Variants in AP1G1 observed in about 807,000 individuals in gnomAD.
The protein encoded by AP1G1 is adaptor related protein complex 1 subunit gamma 1, also known as AP-1 complex subunit gamma-1.
Under a neutral mutation model 108.3 loss-of-function variants are expected in AP1G1, and 7 were observed. The observed-to-expected ratio is 0.06, with a 90% CI of 0.04 to 0.12. AP1G1 has a LOEUF of 0.12. Among genes scored for constraint, AP1G1 ranks in the 10% least tolerant of loss-of-function variants. The pLI is 1.00. For missense variants in AP1G1, 756 were observed against 1,010.7 expected (o/e 0.75, Z 3.42); for synonymous variants, 379 against 353.5 (o/e 1.07, Z -0.81).
intron 19 of AP1G1, 38 bp downstream of exon 19, chr16:71,745,106 T>C (rs779167898): frequency 1.1e-5 from 17 of 1,608,574 alleles, no homozygotes; most frequent in Non-Finnish European, 1.2e-5. Context: ...GAGGCCTCTA[T>C]CTTTTCCCAG....
chr16:71,793,209 A>C (rs2032465989), intron 1 of AP1G1, among the ~76,000 whole-genome samples: 1 of 152,190 alleles, frequency 6.6e-6, no homozygotes, highest in South Asian at 2.1e-4. Context: ...TAACAATAAT[A>C]AACTCCAACC....
intron 2 of AP1G1, among the ~76,000 whole-genome samples, chr16:71,786,701 C>T (rs1033755298): frequency 3.3e-5 from 5 of 152,066 alleles, no homozygotes; most frequent in Admixed American, 2.0e-4. Flanking sequence ...CCTCATGATC[C>T]ACCCACCTCG....
intron 1 of AP1G1, among the ~76,000 whole-genome samples, chr16:71,801,350 G>A (rs1168620841): frequency 3.4e-5 from 5 of 148,570 alleles, no homozygotes; most frequent in Non-Finnish European, 7.4e-5. Context: ...AAAAAAAAGC[G>A]TGTCATAGAG....
chr16:71,739,273 C>T lies in AP1G1; in HGVS notation c.2068G>A (p.Gly690Arg). 6.2e-7 allele frequency: 1 copy of T among 1,613,234 alleles called. No homozygotes were observed. Among genetic ancestry groups the T allele is most frequent in the Non-Finnish European group, 8.5e-7 (1 of 1,179,812 alleles). ...QISQPPFLLD[G>R]LSSQPLFNDI... Reference sequence around the variant, plus strand: ...TTGAAGAGAGGCTGTGATGAAAGCCCATCCAACAAGAAGGGGGGCTGGGAT... The same window carrying T: ...TTGAAGAGAGGCTGTGATGAAAGCCTATCCAACAAGAAGGGGGGCTGGGAT... Residue 690 changes from glycine to arginine, a missense_variant, in exon 20 of 23, where the codon GGG becomes AGG. By Grantham distance (125) the Gly-to-Arg change is moderately radical. Coordinates refer to ENST00000299980, the MANE Select transcript of AP1G1 (RefSeq NM_001128.6).
intron 19 of AP1G1, among the ~76,000 whole-genome samples, chr16:71,743,908 T>G (rs1485846181): frequency 7.5e-6 from 1 of 133,926 alleles, no homozygotes; most frequent in Admixed American, 8.4e-5. Flanking sequence ...ATCATGCTAC[T>G]GCACTCCAGC....
At chr16:71,799,802 T>C (rs1047079163) in intron 1 of AP1G1, among the ~76,000 whole-genome samples, 4 of 150,890 alleles carry the variant, frequency 2.7e-5, no homozygotes, top group African/African-American at 9.8e-5. Flanking sequence ...GGGAGGCTGA[T>C]GCAGGAGAAT....
Position 71,764,662 on chromosome 16 carries a change from T to G in AP1G1, c.803A>C (p.Asn268Thr). ...TCTACTCACCTGTGCTAATATATCA[T>G]TCATAGCTTCACTTGAATCATCATC... ...RNDDDSSEAM[N>T]DILAQVATNT... Residue 268 changes from asparagine (N) to threonine (T), a missense_variant, in exon 8 of 23, where the codon AAT becomes ACT. By Grantham distance (65) the Asn-to-Thr change is moderately conservative. This residue lies in a region of AP1G1 where 304 missense variants were observed against 483.6 expected (regional missense o/e 0.63). Transcript: ENST00000299980. 1 of 1,609,444 alleles carries G rather than the reference T, an allele frequency of 6.2e-7. No homozygotes were observed. Among genetic ancestry groups the G allele is most frequent in the Non-Finnish European group, 8.5e-7 (1 of 1,178,390 alleles).
At chr16:71,769,543 A>C (rs1314299376) in intron 6 of AP1G1, 80 bp downstream of exon 6, 1 of 1,382,990 alleles carries the variant, frequency 7.2e-7, no homozygotes, top group Admixed American at 1.7e-5. Context: ...TTTCAAAAAA[A>C]AATAAGAAGA....
At chr16:71,769,948 T>A (rs1412043445) in intron 5 of AP1G1, among the ~76,000 whole-genome samples, 1 of 152,216 alleles carries the variant, frequency 6.6e-6, no homozygotes, top group Non-Finnish European at 1.5e-5. Context: ...TATGAAAAAG[T>A]GACGACCAAT....
chr16:71,786,271 G>T (rs1231485437), intron 2 of AP1G1, among the ~76,000 whole-genome samples: 1 of 152,028 alleles, frequency 6.6e-6, no homozygotes, highest in African/African-American at 2.4e-5. Flanking sequence ...AATATAGAGA[G>T]ATTTTTTACA....
At chr16:71,795,116 A>T (rs1043121479) in intron 1 of AP1G1, among the ~76,000 whole-genome samples, 4 of 151,868 alleles carry the variant, frequency 2.6e-5, no homozygotes, top group Non-Finnish European at 5.9e-5. Context: ...TCTCTCTTCT[A>T]CCCTGCCCAG....
intron 2 of AP1G1, among the ~76,000 whole-genome samples, chr16:71,777,428 A>C (rs2031831792): frequency 6.6e-6 from 1 of 151,978 alleles, no homozygotes; most frequent in Non-Finnish European, 1.5e-5. Context: ...GTGAGGGTGG[A>C]GGGGTCAGTG....
chr16:71,808,081 G>A, intron 1 of AP1G1: 1 of 1,170,890 alleles, frequency 8.5e-7, no homozygotes, highest in Non-Finnish European at 1.1e-6. Context: ...CAACCGAACC[G>A]TCCCGACTCT....
At chr16:71,752,841 C>T (rs2030574512) in intron 13 of AP1G1, among the ~76,000 whole-genome samples, 1 of 152,090 alleles carries the variant, frequency 6.6e-6, no homozygotes. Context: ...CTCAATTTTA[C>T]TTTATTTCTT....
At chr16:71,758,747 C>A in intron 11 of AP1G1, 61 bp downstream of exon 11, 1 of 968,090 alleles carries the variant, frequency 1.0e-6, no homozygotes, top group Admixed American at 2.1e-5. Flanking sequence ...ATAGAGCTAT[C>A]AATAATCTGT....
intron 17 of AP1G1, among the ~76,000 whole-genome samples, chr16:71,745,916 T>A (rs1379674827): frequency 6.6e-6 from 1 of 152,178 alleles, no homozygotes; most frequent in African/African-American, 2.4e-5. Flanking sequence ...GTCAAGAAGA[T>A]ACTGTATAAT....
intron 11 of AP1G1, among the ~76,000 whole-genome samples, chr16:71,757,169 G>T (rs890055725): frequency 1.3e-5 from 2 of 152,136 alleles, no homozygotes; most frequent in African/African-American, 4.8e-5. Context: ...AACAATTTAG[G>T]CTGGGCACAA....
intron 2 of AP1G1, among the ~76,000 whole-genome samples, chr16:71,787,549 C>T (rs573596850): frequency 6.6e-6 from 1 of 152,248 alleles, no homozygotes; most frequent in South Asian, 2.1e-4. Context: ...GTACTGCTTC[C>T]AAAATGTTAA....
intron 2 of AP1G1, chr16:71,777,508 G>T: frequency 7.3e-6 from 2 of 273,792 alleles, no homozygotes. Flanking sequence ...AGGGCCCATA[G>T]CAAGGAGCCA....
Sources: gnomAD v4.1 joint callset for allele counts (sites outside exome capture counted in the v4.1 genomes callset) on GRCh38, gnomAD v4.1.1 for gene constraint, gnomAD v4.1.1 regional missense constraint, MANE v1.5 for transcripts, NCBI Gene and HGNC (gene_info 2026-07-23, HGNC 2026-07-21) for gene names.